The following SGK3 variants were observed in gnomAD, a reference collection of about 807,000 sequenced individuals.
SGK3 encodes serine/threonine-protein kinase Sgk3.
SGK3 carries 47 observed loss-of-function variants against 68.5 expected under a neutral mutation model. That is an observed-to-expected ratio of 0.69 (90% CI 0.54 to 0.87). The LOEUF (loss-of-function observed/expected upper bound fraction) is 0.87. Ranked by LOEUF, SGK3 falls within the 40% of genes least tolerant of loss-of-function variation. The pLI is 0.00. For missense variants in SGK3, 479 were observed against 575.5 expected, an observed-to-expected ratio of 0.83 and a Z score of 1.72; for synonymous variants, 181 against 189.1, an observed-to-expected ratio of 0.96 and a Z score of 0.35.
intron 15 of SGK3, 53 bp downstream of exon 15, chr8:66,847,401 G>T (rs1164465263): frequency 7.5e-6 from 12 of 1,594,664 alleles, no homozygotes; most frequent in Non-Finnish European, 1.0e-5. Context: ...TTAAAATTTG[G>T]AAATAAAGCT....
intron 8 of SGK3, among the ~76,000 whole-genome samples, chr8:66,834,743 C>T (rs1809441901): frequency 5.9e-5 from 9 of 151,732 alleles, no homozygotes; most frequent in Admixed American, 5.9e-4. Flanking sequence ...ACCGTCCTGG[C>T]TAACACAGTG....
At chr8:66,809,980 G>T (rs2130630383) in intron 4 of SGK3, among the ~76,000 whole-genome samples, 1 of 152,276 alleles carries the variant, frequency 6.6e-6, no homozygotes, top group Admixed American at 6.5e-5. Context: ...CAAGGAGGAA[G>T]CCTCGGTGCC....
At chr8:66,847,011 T>C (rs778281509) in intron 14 of SGK3, among the ~76,000 whole-genome samples, 182 bp from the exon 15 acceptor site, 4 of 152,212 alleles carry the variant, frequency 2.6e-5, no homozygotes, top group Non-Finnish European at 4.4e-5. Context: ...CTTATTAAGC[T>C]CTGTGATGTG....
intron 8 of SGK3, among the ~76,000 whole-genome samples, chr8:66,833,450 CCTT>C (rs1250165283): frequency 7.2e-5 from 11 of 152,154 alleles, no homozygotes; most frequent in African/African-American, 2.7e-4. Context: ...TTAAGTCCTC[CCTT>C]CTTCTTCAAG....
rs866368417 is a variant in SGK3 at position 66,839,535 on chromosome 8, A to G, written c.742-468A>G. ...TATATATATATATATATATATATAT[A>G]TATATATATATATATATATATATTT... On this transcript the variant is annotated intron_variant, in intron 10 of 16. Transcript: ENST00000521198. Among the ~76,000 whole-genome samples the G allele has an allele frequency of 6.2e-4, 48 of 76,944 alleles. 1 individual carries two copies. The highest frequency in any genetic ancestry group is 1.7e-3 in the African/African-American group (30 of 18,006). 50.5% of individuals were successfully genotyped at this position (76,944 alleles called of 152,430 possible).
At chr8:66,713,294 G>T (rs1453526372) in intron 1 of SGK3, among the ~76,000 whole-genome samples, 1 of 152,184 alleles carries the variant, frequency 6.6e-6, no homozygotes, top group Non-Finnish European at 1.5e-5. Flanking sequence ...GAACCCTTAC[G>T]TCTCTTCAAG....
At chr8:66,757,940 T>TATAC (rs1018308394) in intron 1 of SGK3, among the ~76,000 whole-genome samples, 1 of 146,476 alleles carries the variant, frequency 6.8e-6, no homozygotes, top group African/African-American at 2.5e-5. Flanking sequence ...TATATATATA[T>TATAC]ATACATATAT....
chr8:66,839,945 CTA>C, intron 10 of SGK3, 56 bp from the exon 11 acceptor site: 1 of 1,448,460 alleles, frequency 6.9e-7, no homozygotes. Context: ...TTGTTTAATG[CTA>C]TGTGTGAATG....
chr8:66,793,670 T>C lies in SGK3; in HGVS notation c.-67T>C, dbSNP rs887896254. Reference sequence around the variant, plus strand: ...AAGAGGTTTTGTATTTTGGATTAGTTAATTGGGTTTGTCCTCTGCTGACTG... The same window carrying C: ...AAGAGGTTTTGTATTTTGGATTAGTCAATTGGGTTTGTCCTCTGCTGACTG... On this transcript the variant is annotated 5_prime_UTR_variant, in exon 2 of 17. Transcript: ENST00000521198. 1.0e-5 allele frequency: 15 copies of C among 1,466,484 alleles called. No homozygotes were observed. The African/African-American group carries it at 1.4e-4, about 14-fold the overall frequency. The allele number at this position is 1,466,484 out of a possible 1,614,324, so 90.8% of individuals were successfully genotyped here. A position where few individuals can be genotyped will look rare whatever the true frequency, so the allele number is the denominator to read the frequency against.
Position 66,784,741 on chromosome 8 carries a change from T to C in SGK3, c.-121-8875T>C, listed in dbSNP as rs1359710287. Among the ~76,000 whole-genome samples the C allele has an allele frequency of 3.3e-5, 5 of 152,298 alleles. No individual in the cohort carries two copies. The East Asian group carries it at 9.6e-4, about 29-fold the overall frequency. On this transcript the variant is annotated intron_variant, in intron 1 of 16. Transcript: ENST00000521198. Reference sequence around the variant, plus strand: ...TAATGTTCATCTATTTTAAGCAATATTTGGATCAGTAACATTTTAACATAA... The same window carrying C: ...TAATGTTCATCTATTTTAAGCAATACTTGGATCAGTAACATTTTAACATAA...
At position 66,806,641 on chromosome 8, in the gene SGK3, C is replaced by T. The variant is rs765620245; in HGVS notation, c.253+2194C>T. Among the ~76,000 whole-genome samples the T allele has an allele frequency of 1.2e-4, 18 of 151,846 alleles. 1 individual carries two copies. Among genetic ancestry groups the T allele is most frequent in the Middle Eastern group, 3.4e-3 (1 of 294 alleles). On this transcript the variant is annotated intron_variant, in intron 4 of 16. Coordinates refer to ENST00000521198, the MANE Select transcript of SGK3 (RefSeq NM_001033578.3). ...CAGCCTGGCCAAAATGGTGAAACCC[C>T]GTCTTTACTAAAAATAGAAAAATTA...
intron 1 of SGK3, among the ~76,000 whole-genome samples, chr8:66,789,832 C>G (rs974141904): frequency 1.1e-4 from 16 of 152,162 alleles, no homozygotes; most frequent in Admixed American, 5.9e-4. Context: ...AATCCCAGCA[C>G]TTTGGGAGAC....
At chr8:66,804,482 A>G (rs769227263) in intron 4 of SGK3, 35 bp downstream of exon 4, 5 of 1,596,912 alleles carry the variant, frequency 3.1e-6, no homozygotes, top group Middle Eastern at 1.7e-4. Flanking sequence ...CTATGAAGTG[A>G]TTGTTGAAGT....
At chr8:66,858,052 TTAAA>T (rs1490166027) in intron 16 of SGK3, among the ~76,000 whole-genome samples, 1 of 152,068 alleles carries the variant, frequency 6.6e-6, no homozygotes, top group Non-Finnish European at 1.5e-5. Flanking sequence ...AAGAACCTAA[TTAAA>T]TAAGTGATAA....
chr8:66,826,101 T>C (rs1238536175), intron 6 of SGK3, among the ~76,000 whole-genome samples: 1 of 152,082 alleles, frequency 6.6e-6, no homozygotes, highest in East Asian at 1.9e-4. Flanking sequence ...GCCTCCCAAG[T>C]AGCTGGGACT....
At chr8:66,832,288 G>T (rs1287520711) in intron 8 of SGK3, among the ~76,000 whole-genome samples, 1 of 152,108 alleles carries the variant, frequency 6.6e-6, no homozygotes, top group Admixed American at 6.5e-5. Context: ...CAGAATCATC[G>T]AATATATTTA....
intron 2 of SGK3, among the ~76,000 whole-genome samples, chr8:66,795,983 A>G (rs1362420984): frequency 1.3e-5 from 2 of 152,068 alleles, no homozygotes; most frequent in Non-Finnish European, 2.9e-5. Flanking sequence ...TCAAATAAGT[A>G]TTTGTTGAAT....
chr8:66,835,012 G>T (rs1809464052), intron 8 of SGK3, among the ~76,000 whole-genome samples: 1 of 152,010 alleles, frequency 6.6e-6, no homozygotes, highest in Non-Finnish European at 1.5e-5. Context: ...GCTTACGCCT[G>T]TTATCCCAGC....
At chr8:66,830,585 T>C (rs1349502618) in intron 7 of SGK3, among the ~76,000 whole-genome samples, 2 of 152,256 alleles carry the variant, frequency 1.3e-5, no homozygotes, top group African/African-American at 2.4e-5. Flanking sequence ...CGTGTGTTTT[T>C]GTCTACATAA....
Sources: allele counts gnomAD v4.1 joint callset (sites outside exome capture counted in the v4.1 genomes callset), GRCh38; gene constraint gnomAD v4.1.1; transcripts MANE v1.5; gene names NCBI Gene and HGNC (gene_info 2026-07-23, HGNC 2026-07-21).